GXYLT1: variants seen among roughly 807,000 people sequenced by gnomAD.
The protein encoded by GXYLT1 is glucoside xylosyltransferase 1.
A neutral mutation model predicts 54.0 loss-of-function variants in GXYLT1; 29 were observed. That is an observed-to-expected ratio of 0.54 (90% CI 0.40 to 0.73). The LOEUF (loss-of-function observed/expected upper bound fraction) is 0.73. Among genes scored for constraint, GXYLT1 ranks in the 30% least tolerant of loss-of-function variants. GXYLT1 has a pLI of 0.00. For missense variants in GXYLT1, 490 were observed against 553.4 expected (o/e 0.89, Z 1.15); for synonymous variants, 176 against 204.1 (o/e 0.86, Z 1.17).
At chr12:42,135,081 G>C (rs145156725) in intron 1 of GXYLT1, among the ~76,000 whole-genome samples, 2 of 152,282 alleles carry the variant, frequency 1.3e-5, no homozygotes, top group East Asian at 3.9e-4. Flanking sequence ...TATTGACTTT[G>C]ACCTTATTCA....
At chr12:42,091,498 C>A (rs1278832187) in intron 7 of GXYLT1, among the ~76,000 whole-genome samples, 1 of 152,044 alleles carries the variant, frequency 6.6e-6, no homozygotes, top group Non-Finnish European at 1.5e-5. Context: ...AGTCTCAGAA[C>A]CCCACAAGCA....
intron 3 of GXYLT1, among the ~76,000 whole-genome samples, chr12:42,116,196 A>G (rs1031779691): frequency 2.0e-5 from 3 of 151,968 alleles, no homozygotes; most frequent in African/African-American, 7.2e-5. Context: ...AACCTAGGCA[A>G]TACCATTCAG....
In GXYLT1 at chr12:42,106,073, C is replaced by T. The variant is rs1161389790; in HGVS notation, c.613-4G>A. 3.1e-6 allele frequency: 5 copies of T among 1,589,162 alleles called. No homozygotes were observed. The highest frequency in any genetic ancestry group is 4.3e-6 in the Non-Finnish European group (5 of 1,160,646). ...AGTCAACTTCTTTCAGGATTAACTACAAGGAGAGATATTTGAATGATTAAC... is the reference window on the plus strand; with the variant it reads ...AGTCAACTTCTTTCAGGATTAACTATAAGGAGAGATATTTGAATGATTAAC... On this transcript the variant is annotated splice_polypyrimidine_tract_variant and splice_region_variant and intron_variant, in intron 4 of 7. Transcript: ENST00000398675.
chr12:42,111,351 G>A (rs1299014734), intron 3 of GXYLT1, among the ~76,000 whole-genome samples: 3 of 152,234 alleles, frequency 2.0e-5, no homozygotes, highest in African/African-American at 7.2e-5. Flanking sequence ...CCCGGGAAGA[G>A]CAAGGGGTCA....
intron 1 of GXYLT1, among the ~76,000 whole-genome samples, chr12:42,140,391 TG>T (rs913301798): frequency 6.6e-6 from 1 of 151,414 alleles, no homozygotes; most frequent in Non-Finnish European, 1.5e-5. Context: ...GGTCAGAAAT[TG>T]GAAGAAAAAA....
At chr12:42,102,971 CAG>C (rs1229388034) in intron 5 of GXYLT1, among the ~76,000 whole-genome samples, 7 of 150,300 alleles carry the variant, frequency 4.7e-5, no homozygotes, top group Non-Finnish European at 7.4e-5. Context: ...TCTTTTGAGA[CAG>C]AGTCTCACTC....
chr12:42,102,130 AT>A (rs539153207), intron 5 of GXYLT1, among the ~76,000 whole-genome samples: 11 of 152,208 alleles, frequency 7.2e-5, no homozygotes, highest in Non-Finnish European at 1.3e-4. Flanking sequence ...AATTAGTTTC[AT>A]TTTTTGAATT....
In GXYLT1 at chr12:42,106,021, G is replaced by A. The variant is rs2065418903; in HGVS notation, c.661C>T (p.Leu221Phe). Residue 221 changes from leucine (L) to phenylalanine (F), a missense_variant, in exon 5 of 8, where the codon CTT becomes TTT. Physicochemically the swap from Leu to Phe is conservative, Grantham distance 22 (BLOSUM62 0). Around this residue, in one of 2 missense-constraint regions of GXYLT1, gnomAD observed 342 missense variants for 342.6 expected, o/e 1.00. Transcript: ENST00000398675. Reference sequence around the variant, plus strand: ...ATATCATCAACTGGTCGTAAAAAAAGGATATCAGTGTCGACATACAATAGT... The same window carrying A: ...ATATCATCAACTGGTCGTAAAAAAAAGATATCAGTGTCGACATACAATAGT... The part of the protein sequence containing the change: ...DSLLYVDTDI[L>F]FLRPVDDIWS... 2.5e-6 allele frequency: 4 copies of A among 1,611,306 alleles called. No homozygotes were observed. The highest frequency in any genetic ancestry group is 1.3e-5 in the African/African-American group (1 of 74,898).
At chr12:42,135,599 T>A (rs527316239) in intron 1 of GXYLT1, among the ~76,000 whole-genome samples, 1 of 152,318 alleles carries the variant, frequency 6.6e-6, no homozygotes, top group East Asian at 1.9e-4. Flanking sequence ...ATGTGGTATA[T>A]CCATACAATG....
intron 7 of GXYLT1, among the ~76,000 whole-genome samples, chr12:42,092,350 G>C (rs2065333739): frequency 6.6e-6 from 1 of 152,166 alleles, no homozygotes; most frequent in Non-Finnish European, 1.5e-5. Context: ...AGAGTTGAGT[G>C]ATCACATGTA....
rs1464052125 is a variant in GXYLT1, at chr12:42,085,420, T to C, written c.*2366A>G. 6.6e-5 allele frequency: 10 copies of C among 152,402 alleles called. No individual in the cohort carries two copies. In the East Asian group the frequency reaches 1.5e-3, roughly 24 times the overall value. The allele number at this position is 152,402 out of a possible 1,614,324, so 9.4% of individuals were successfully genotyped here. A position where few individuals can be genotyped will look rare whatever the true frequency, so the allele number is the denominator to read the frequency against. On this transcript the variant is annotated 3_prime_UTR_variant, in exon 8 of 8. Transcript: ENST00000398675. ...TCAATTAGAGCCCATGGGGCTGAGA[T>C]TCTCCGTTCACTGAGGAAATTTTAT...
At chr12:42,126,859 G>A (rs754042600) in intron 2 of GXYLT1, among the ~76,000 whole-genome samples, 141 of 144,068 alleles carry the variant, frequency 9.8e-4, no homozygotes, top group Non-Finnish European at 1.6e-3. Flanking sequence ...CAGCCTGGGA[G>A]ACAGTGAAAC....
At chr12:42,132,833 T>C (rs957056223) in intron 1 of GXYLT1, among the ~76,000 whole-genome samples, 2 of 152,066 alleles carry the variant, frequency 1.3e-5, no homozygotes, top group Middle Eastern at 6.3e-3. Context: ...GACATGAGAA[T>C]TAAATTCAAC....
Position 42,083,546 on chromosome 12 carries a change from T to TA in GXYLT1, c.*4239dup, listed in dbSNP as rs2136862069. 1 of 152,324 alleles carries TA rather than the reference T, an allele frequency of 6.6e-6. No individual in the cohort carries two copies. The highest frequency in any genetic ancestry group is 2.1e-4 in the South Asian group (1 of 4,826). 9.4% of individuals were successfully genotyped at this position (152,324 alleles called of 1,614,324 possible). A position where few individuals can be genotyped will look rare whatever the true frequency, so the allele number is the denominator to read the frequency against. On this transcript the variant is annotated 3_prime_UTR_variant, in exon 8 of 8. Coordinates refer to ENST00000398675, the MANE Select transcript of GXYLT1 (RefSeq NM_173601.2). ...TTAAAAAACAAATCAGTGGTCTTTC[T>TA]AAAAACATCTCAAAGAGGTTCTGAC...
intron 1 of GXYLT1, among the ~76,000 whole-genome samples, chr12:42,133,354 T>C (rs535536735): frequency 9.9e-5 from 15 of 152,282 alleles, no homozygotes; most frequent in South Asian, 4.2e-4. Flanking sequence ...TGTGATTGCT[T>C]TGACAAATAG....
At chr12:42,115,387 A>T (rs1258560319) in intron 3 of GXYLT1, among the ~76,000 whole-genome samples, 1 of 152,120 alleles carries the variant, frequency 6.6e-6, no homozygotes, top group Admixed American at 6.6e-5. Flanking sequence ...AAACCCCATC[A>T]TTCAGCCCAA....
chr12:42,093,697 A>G (rs1380542895), intron 7 of GXYLT1, among the ~76,000 whole-genome samples: 1 of 151,882 alleles, frequency 6.6e-6, no homozygotes, highest in Non-Finnish European at 1.5e-5. Context: ...TTTTTTAGAG[A>G]CAAAGTCTTA....
At chr12:42,106,599 A>G (rs1391227077) in intron 4 of GXYLT1, among the ~76,000 whole-genome samples, 1 of 152,150 alleles carries the variant, frequency 6.6e-6, no homozygotes, top group African/African-American at 2.4e-5. Context: ...GTCCCAACGA[A>G]TCAAAGCAAA....
In GXYLT1 at chr12:42,085,117, CTAAAGA is replaced by C. The variant is rs1434715159; in HGVS notation, c.*2663_*2668del. The C allele has an allele frequency of 6.6e-6, 1 of 152,210 alleles. No individual in the cohort carries two copies. Among genetic ancestry groups the C allele is most frequent in the African/African-American group, 2.4e-5 (1 of 41,456 alleles). 9.4% of individuals were successfully genotyped at this position (152,210 alleles called of 1,614,324 possible). On this transcript the variant is annotated 3_prime_UTR_variant, in exon 8 of 8. Coordinates refer to ENST00000398675, the MANE Select transcript of GXYLT1 (RefSeq NM_173601.2). ...TTAGAATTCAAAAGAATTACCTTGT[CTAAAGA>C]TAAATTCAGAAAATTCATTTAAAAA...
Sources: gnomAD v4.1 joint callset for allele counts (sites outside exome capture counted in the v4.1 genomes callset) on GRCh38, gnomAD v4.1.1 for gene constraint, gnomAD v4.1.1 regional missense constraint, MANE v1.5 for transcripts, NCBI Gene and HGNC (gene_info 2026-07-23, HGNC 2026-07-21) for gene names.